Variants in RAD51B observed in about 807,000 individuals in gnomAD.
RAD51B encodes the protein DNA repair protein RAD51 homolog 2.
A neutral mutation model predicts 42.2 loss-of-function variants in RAD51B; 38 were observed. The observed-to-expected ratio is 0.90, with a 90% CI of 0.70 to 1.18. RAD51B has a LOEUF of 1.18. Ranked by LOEUF, RAD51B falls within the 50% of genes most tolerant of loss-of-function variation. The probability of loss-of-function intolerance (pLI) is 0.00; values close to 1 mark genes in which losing one functional copy is unlikely to be tolerated. For missense variants in RAD51B, 373 were observed against 400.7 expected, an observed-to-expected ratio of 0.93 and a Z score of 0.59; for synonymous variants, 154 against 145.2, an observed-to-expected ratio of 1.06 and a Z score of -0.43.
intron 10 of RAD51B, among the ~76,000 whole-genome samples, chr14:68,643,662 A>G (rs545852865): frequency 6.6e-6 from 1 of 152,338 alleles, no homozygotes; most frequent in East Asian, 1.9e-4. Context: ...AAATGGATAG[A>G]TATGTTCAGA....
intron 10 of RAD51B, among the ~76,000 whole-genome samples, chr14:68,496,802 AG>A (rs1484709262): frequency 2.0e-5 from 3 of 152,240 alleles, no homozygotes; most frequent in African/African-American, 7.2e-5. Context: ...AATGACTTCA[AG>A]GGTTCAGGTG....
intron 7 of RAD51B, among the ~76,000 whole-genome samples, chr14:67,950,784 C>T (rs1461397175): frequency 1.3e-5 from 2 of 151,892 alleles, no homozygotes; most frequent in Non-Finnish European, 2.9e-5. Flanking sequence ...CATTTAGGGG[C>T]CATTTTATGG....
chr14:68,613,743 C>T (rs1891767617), downstream of RAD51B, among the ~76,000 whole-genome samples: 2 of 152,140 alleles, frequency 1.3e-5, no homozygotes, highest in Admixed American at 1.3e-4. Flanking sequence ...CGTGAGCCAC[C>T]CTGCCTGGCC....
At chr14:68,300,177 G>T (rs966455424) in intron 8 of RAD51B, among the ~76,000 whole-genome samples, 5 of 152,120 alleles carry the variant, frequency 3.3e-5, no homozygotes, top group African/African-American at 1.2e-4. Flanking sequence ...GGACTGTGTA[G>T]CTCTGTTGAC....
At chr14:68,170,486 G>A (rs1310233441) in intron 7 of RAD51B, among the ~76,000 whole-genome samples, 1 of 152,060 alleles carries the variant, frequency 6.6e-6, no homozygotes. Flanking sequence ...AATAATAAAA[G>A]TACTCTATTT....
intron 7 of RAD51B, among the ~76,000 whole-genome samples, chr14:68,047,701 AG>A (rs2076325316): frequency 6.6e-6 from 1 of 152,206 alleles, no homozygotes; most frequent in Non-Finnish European, 1.5e-5. Context: ...ATCTCTTCTC[AG>A]CACTATGAGG....
At chr14:68,078,596 G>A (rs1031298754) in intron 7 of RAD51B, among the ~76,000 whole-genome samples, 3 of 152,052 alleles carry the variant, frequency 2.0e-5, no homozygotes, top group African/African-American at 4.8e-5. Context: ...CATATTGCTT[G>A]GAGGTTTCCT....
chr14:68,083,898 A>G (rs1595372776), intron 7 of RAD51B, among the ~76,000 whole-genome samples: 1 of 152,296 alleles, frequency 6.6e-6, no homozygotes, highest in African/African-American at 2.4e-5. Context: ...CTACAACTCG[A>G]TAACCAACAT....
chr14:67,866,768 C>T (rs1181738768), intron 5 of RAD51B, among the ~76,000 whole-genome samples: 1 of 152,156 alleles, frequency 6.6e-6, no homozygotes, highest in African/African-American at 2.4e-5. Context: ...TTTGTCTTTG[C>T]ATAGAGCCTT....
At chr14:68,526,344 A>T (rs1254853854) in intron 10 of RAD51B, among the ~76,000 whole-genome samples, 1 of 152,344 alleles carries the variant, frequency 6.6e-6, no homozygotes, top group East Asian at 1.9e-4. Context: ...GTAGTAGACT[A>T]TACCATCTAG....
chr14:68,672,805 G>A (rs1893186232), intron 11 of RAD51B, among the ~76,000 whole-genome samples: 1 of 152,210 alleles, frequency 6.6e-6, no homozygotes, highest in Admixed American at 6.5e-5. Context: ...CATCCAGGAT[G>A]CAGCTTCATG....
At chr14:68,111,783 C>T (rs1566653383) in intron 7 of RAD51B, among the ~76,000 whole-genome samples, 1 of 152,038 alleles carries the variant, frequency 6.6e-6, no homozygotes, top group Non-Finnish European at 1.5e-5. Context: ...AAGAAGGGAG[C>T]AATTACATCC....
chr14:68,504,051 C>G (rs1000656545), intron 10 of RAD51B, among the ~76,000 whole-genome samples: 1 of 152,172 alleles, frequency 6.6e-6, no homozygotes, highest in African/African-American at 2.4e-5. Context: ...TTCATCCCTA[C>G]GGCCCCTTCT....
At chr14:68,389,857 C>G (rs2140011010) in intron 8 of RAD51B, among the ~76,000 whole-genome samples, 1 of 152,318 alleles carries the variant, frequency 6.6e-6, no homozygotes, top group East Asian at 1.9e-4. Flanking sequence ...CTAGGGAAAT[C>G]TGGTAATCAA....
chr14:68,600,519 G>C (rs1891175491), downstream of RAD51B, among the ~76,000 whole-genome samples: 1 of 152,250 alleles, frequency 6.6e-6, no homozygotes, highest in Admixed American at 6.5e-5. Flanking sequence ...GGCAGGTGCA[G>C]TCCTGGGGAG....
At chr14:68,335,945 G>A (rs1456625914) in intron 8 of RAD51B, among the ~76,000 whole-genome samples, 1 of 152,194 alleles carries the variant, frequency 6.6e-6, no homozygotes, top group African/African-American at 2.4e-5. Context: ...TAGCATAAAG[G>A]CTGAGAGAAG....
At chr14:68,065,110 C>T (rs906919114) in intron 7 of RAD51B, among the ~76,000 whole-genome samples, 17 of 152,152 alleles carry the variant, frequency 1.1e-4, no homozygotes, top group Non-Finnish European at 1.8e-4. Context: ...GAGGGGCTTT[C>T]GTTGGGGAAG....
chr14:67,948,279 G>C (rs1424460585), intron 7 of RAD51B, among the ~76,000 whole-genome samples: 1 of 152,154 alleles, frequency 6.6e-6, no homozygotes, highest in Non-Finnish European at 1.5e-5. Context: ...ATTAAGTTCA[G>C]AGAGGAGACA....
intron 7 of RAD51B, among the ~76,000 whole-genome samples, chr14:68,129,364 C>T (rs2077838733): frequency 6.6e-6 from 1 of 152,158 alleles, no homozygotes; most frequent in South Asian, 2.1e-4. Flanking sequence ...TAAAGACTTA[C>T]ACATGTCACA....
Sources: gnomAD v4.1 joint callset for allele counts (sites outside exome capture counted in the v4.1 genomes callset) on GRCh38, gnomAD v4.1.1 for gene constraint, MANE v1.5 for transcripts, NCBI Gene and HGNC (gene_info 2026-07-23, HGNC 2026-07-21) for gene names.